ULK4: variants seen among roughly 807,000 people sequenced by gnomAD.
The protein encoded by ULK4 is unc-51 like kinase 4.
In ULK4, 133 loss-of-function variants were observed where a neutral mutation model predicts 160.6. The observed-to-expected ratio is 0.83, with a 90% CI of 0.72 to 0.96. ULK4 has a LOEUF of 0.96. Among genes scored for constraint, ULK4 ranks in the 40% least tolerant of loss-of-function variants. The pLI, the probability that ULK4 is intolerant of heterozygous loss-of-function variation, is 0.00. For synonymous variants in ULK4, 534 were observed against 539.8 expected (o/e 0.99, Z 0.15); for missense variants, 1,580 against 1,499.5 (o/e 1.05, Z -0.89).
intron 29 of ULK4, among the ~76,000 whole-genome samples, chr3:41,666,338 G>A (rs1332753021): frequency 1.3e-5 from 2 of 152,194 alleles, no homozygotes; most frequent in African/African-American, 4.8e-5. Flanking sequence ...TCTTACCAGG[G>A]AGGATATTCC....
intron 35 of ULK4, among the ~76,000 whole-genome samples, chr3:41,339,857 C>G (rs968466293): frequency 2.0e-5 from 3 of 152,104 alleles, no homozygotes; most frequent in African/African-American, 7.2e-5. Flanking sequence ...ACACTGTGGG[C>G]AGTAGGGATG....
At chr3:41,283,282 C>T (rs775728178) in intron 35 of ULK4, among the ~76,000 whole-genome samples, 14 of 152,316 alleles carry the variant, frequency 9.2e-5, no homozygotes, top group East Asian at 3.9e-4. Flanking sequence ...TTTGACCAAG[C>T]GATCCCATTA....
chr3:41,806,017 T>C (rs2040631426), intron 19 of ULK4, among the ~76,000 whole-genome samples: 6 of 144,308 alleles, frequency 4.2e-5, no homozygotes, highest in Admixed American at 3.5e-4. Flanking sequence ...TTAGGGAGGA[T>C]TCCCTCTTTT....
chr3:41,438,580 A>C (rs1428352514), intron 34 of ULK4, among the ~76,000 whole-genome samples: 2 of 152,154 alleles, frequency 1.3e-5, no homozygotes, highest in Non-Finnish European at 2.9e-5. Context: ...GCTACCAAGA[A>C]ATAGGATCTT....
chr3:41,717,970 A>G, intron 22 of ULK4, 109 bp from the exon 23 acceptor site: 1 of 1,297,976 alleles, frequency 7.7e-7, no homozygotes, highest in Non-Finnish European at 1.1e-6. Context: ...TCCCAATCAT[A>G]TTGACGTTTA....
chr3:41,878,195 A>G (rs2125698712), intron 17 of ULK4, among the ~76,000 whole-genome samples: 1 of 152,164 alleles, frequency 6.6e-6, no homozygotes, highest in Non-Finnish European at 1.5e-5. Flanking sequence ...GGGGTTGACT[A>G]TTCCCGAAAC....
rs868806232 is a variant in ULK4 at position 41,495,699 on chromosome 3, C to A, written c.3227-32446G>T. ...ACTCATCTGACAAAGGGCTAATATCCAGAATCTACAATGAACTCAAACAAA... is the reference window on the plus strand; with the variant it reads ...ACTCATCTGACAAAGGGCTAATATCAAGAATCTACAATGAACTCAAACAAA... On this transcript the variant is annotated intron_variant, in intron 32 of 36. Coordinates refer to ENST00000301831, the MANE Select transcript of ULK4 (RefSeq NM_017886.4). Among the ~76,000 whole-genome samples, 629 of 151,486 alleles carry A rather than the reference C, an allele frequency of 4.2e-3. 1 individual carries two copies. Among genetic ancestry groups the A allele is most frequent in the Middle Eastern group, 6.8e-3 (2 of 294 alleles).
chr3:41,749,446 G>A (rs1313440935), intron 22 of ULK4, among the ~76,000 whole-genome samples: 1 of 152,172 alleles, frequency 6.6e-6, no homozygotes, highest in African/African-American at 2.4e-5. Context: ...TCACACCACT[G>A]CACTACAGCC....
At chr3:41,529,469 C>T (rs552322326) in intron 32 of ULK4, among the ~76,000 whole-genome samples, 49 of 152,240 alleles carry the variant, frequency 3.2e-4, no homozygotes, top group Admixed American at 8.5e-4. Flanking sequence ...ATTATCTGAA[C>T]ATATAAGAGC....
At chr3:41,348,782 C>A (rs998651236) in intron 35 of ULK4, among the ~76,000 whole-genome samples, 2 of 152,132 alleles carry the variant, frequency 1.3e-5, no homozygotes, top group Non-Finnish European at 2.9e-5. Context: ...AATTTACAGA[C>A]GTATCAGATT....
intron 31 of ULK4, among the ~76,000 whole-genome samples, chr3:41,606,120 CT>C (rs2032372136): frequency 6.6e-6 from 1 of 151,800 alleles, no homozygotes; most frequent in Admixed American, 6.6e-5. Flanking sequence ...CATTTTAGCA[CT>C]AAATGTTTAT....
At chr3:41,369,769 G>C (rs1399594216) in intron 35 of ULK4, among the ~76,000 whole-genome samples, 1 of 150,424 alleles carries the variant, frequency 6.6e-6, no homozygotes, top group Non-Finnish European at 1.5e-5. Context: ...ACTCCAGCCT[G>C]GGTGACAGAG....
chr3:41,290,257 C>G (rs1022909839), intron 35 of ULK4, among the ~76,000 whole-genome samples: 5 of 152,096 alleles, frequency 3.3e-5, no homozygotes, highest in African/African-American at 1.2e-4. Context: ...GACAATGATG[C>G]CGACAGCTAA....
intron 34 of ULK4, among the ~76,000 whole-genome samples, chr3:41,433,854 G>T (rs2082971240): frequency 6.6e-6 from 1 of 152,140 alleles, no homozygotes; most frequent in African/African-American, 2.4e-5. Context: ...AGACTAGCTG[G>T]GACTACAGGC....
intron 32 of ULK4, among the ~76,000 whole-genome samples, chr3:41,530,175 A>G (rs1393723931): frequency 6.6e-6 from 1 of 152,246 alleles, no homozygotes; most frequent in African/African-American, 2.4e-5. Context: ...ATGAAATTTC[A>G]CTAAACACAG....
At chr3:41,303,406 A>T (rs1238204878) in intron 35 of ULK4, among the ~76,000 whole-genome samples, 3 of 152,230 alleles carry the variant, frequency 2.0e-5, no homozygotes. Flanking sequence ...AGTGGTATTC[A>T]TTAAAATTAA....
intron 30 of ULK4, among the ~76,000 whole-genome samples, chr3:41,641,951 C>A (rs1459391778): frequency 2.7e-5 from 4 of 150,654 alleles, no homozygotes; most frequent in Non-Finnish European, 5.9e-5. Flanking sequence ...TCTCGGCTCA[C>A]TGCAACCTCT....
intron 17 of ULK4, among the ~76,000 whole-genome samples, chr3:41,857,679 T>C (rs1353878976): frequency 6.6e-6 from 1 of 152,186 alleles, no homozygotes; most frequent in Non-Finnish European, 1.5e-5. Context: ...GATTTCTCCA[T>C]GGTTCAATCT....
chr3:41,545,966 T>C (rs780135035), intron 32 of ULK4, among the ~76,000 whole-genome samples: 1 of 152,218 alleles, frequency 6.6e-6, no homozygotes, highest in Non-Finnish European at 1.5e-5. Flanking sequence ...TTCATTACTC[T>C]GATGAGATTT....
Sources: gnomAD v4.1 joint callset for allele counts (sites outside exome capture counted in the v4.1 genomes callset) on GRCh38, gnomAD v4.1.1 for gene constraint, MANE v1.5 for transcripts, NCBI Gene and HGNC (gene_info 2026-07-23, HGNC 2026-07-21) for gene names.